ANO4: variants seen among roughly 807,000 people sequenced by gnomAD.
ANO4 encodes the protein anoctamin 4.
ANO4 carries 69 observed loss-of-function variants against 141.9 expected under a neutral mutation model. The observed-to-expected ratio is 0.49, with a 90% CI of 0.40 to 0.59. ANO4 has a LOEUF of 0.59. Ranked by LOEUF, ANO4 falls within the 20% of genes least tolerant of loss-of-function variation. The pLI is 0.00. For missense variants in ANO4, 894 were observed against 1,162.2 expected (o/e 0.77, Z 3.36); for synonymous variants, 350 against 394.3 (o/e 0.89, Z 1.33).
intron 1 of ANO4, among the ~76,000 whole-genome samples, chr12:100,857,687 T>C (rs78099232): frequency 0.04 from 6,075 of 152,200 alleles, 354 homozygotes; most frequent in African/African-American, 0.13. Context: ...AAATAAGAAG[T>C]TGAGTCCTCT....
intron 26 of ANO4, among the ~76,000 whole-genome samples, chr12:101,125,599 T>A (rs1432909743): frequency 6.6e-6 from 1 of 152,182 alleles, no homozygotes; most frequent in Admixed American, 6.5e-5. Context: ...GATGTTGGAT[T>A]GTTATCAAAG....
At chr12:100,755,172 G>A (rs918856669) in intron 3 of ANO4, among the ~76,000 whole-genome samples, 2 of 152,060 alleles carry the variant, frequency 1.3e-5, no homozygotes, top group African/African-American at 2.4e-5. Context: ...GTCTAACCTG[G>A]CCTATCTTTT....
chr12:101,095,101 A>G (rs2049927632), intron 18 of ANO4, among the ~76,000 whole-genome samples: 2 of 152,206 alleles, frequency 1.3e-5, no homozygotes, highest in Non-Finnish European at 2.9e-5. Flanking sequence ...AACTTGCTTT[A>G]ATGCATTCCA....
intron 1 of ANO4, among the ~76,000 whole-genome samples, chr12:100,835,449 T>C (rs2036861270): frequency 6.6e-6 from 1 of 152,108 alleles, no homozygotes; most frequent in South Asian, 2.1e-4. Context: ...ATCTCTGCAG[T>C]CTTCTCTCTA....
At chr12:100,866,672 G>A (rs1011379008) in intron 1 of ANO4, among the ~76,000 whole-genome samples, 1 of 152,116 alleles carries the variant, frequency 6.6e-6, no homozygotes, top group African/African-American at 2.4e-5. Flanking sequence ...CCTGATAGAA[G>A]CATTTCTACA....
chr12:101,025,216 C>T (rs142090797), intron 9 of ANO4, among the ~76,000 whole-genome samples: 10 of 152,308 alleles, frequency 6.6e-5, no homozygotes, highest in Admixed American at 2.0e-4. Flanking sequence ...ATTTTCAAGA[C>T]ACTGAATATT....
At chr12:100,945,074 A>G (rs2042670642) in intron 5 of ANO4, among the ~76,000 whole-genome samples, 1 of 152,186 alleles carries the variant, frequency 6.6e-6, no homozygotes, top group South Asian at 2.1e-4. Context: ...ACCCTTGTAT[A>G]TCTGAAACGT....
At chr12:100,746,471 A>T (rs55861107) in intron 3 of ANO4, among the ~76,000 whole-genome samples, 2 of 150,586 alleles carry the variant, frequency 1.3e-5, no homozygotes, top group African/African-American at 2.4e-5. Flanking sequence ...ATGATCTTGA[A>T]TCTAGAAGAA....
intron 21 of ANO4, among the ~76,000 whole-genome samples, chr12:101,098,238 C>T (rs890678834): frequency 1.3e-5 from 2 of 152,172 alleles, no homozygotes; most frequent in Admixed American, 6.5e-5. Context: ...TCTGACCTTT[C>T]GGGCTCCAGC....
At chr12:100,933,763 C>T (rs927761528) in intron 3 of ANO4, among the ~76,000 whole-genome samples, 1 of 152,228 alleles carries the variant, frequency 6.6e-6, no homozygotes. Flanking sequence ...TTCTCCACAT[C>T]CTCTCCAGCA....
rs532698709 is a variant in ANO4, at chr12:100,826,352, G to A, written c.-141+31325G>A. ...AAAGATTCACTAAGCTTATTCTTTT[G>A]ATGTGATATAATAGTGATTTGATGG... is the stretch of plus-strand genomic sequence containing the variant. On this transcript the variant is annotated intron_variant, in intron 1 of 27. Transcript: ENST00000392977. Among the ~76,000 whole-genome samples the A allele has an allele frequency of 3.2e-3, 480 of 152,162 alleles. 3 individuals carry two copies. Among genetic ancestry groups the A allele is most frequent in the African/African-American group, 0.01 (431 of 41,550 alleles).
chr12:101,033,168 G>A (rs1307837159), intron 9 of ANO4, among the ~76,000 whole-genome samples: 1 of 152,094 alleles, frequency 6.6e-6, no homozygotes, highest in African/African-American at 2.4e-5. Context: ...TCCTTTGTAG[G>A]GACATGAATG....
At chr12:100,811,845 G>A (rs1262877743) in intron 1 of ANO4, among the ~76,000 whole-genome samples, 2 of 152,134 alleles carry the variant, frequency 1.3e-5, no homozygotes, top group Non-Finnish European at 2.9e-5. Flanking sequence ...CCAGAGTGAT[G>A]GATAAGATAG....
chr12:100,849,777 T>C (rs903794414), intron 1 of ANO4, among the ~76,000 whole-genome samples: 1 of 152,224 alleles, frequency 6.6e-6, no homozygotes, highest in Non-Finnish European at 1.5e-5. Flanking sequence ...TCATTGAATG[T>C]GTGCTTTGTA....
intron 3 of ANO4, among the ~76,000 whole-genome samples, chr12:100,779,041 T>C (rs1489013393): frequency 1.3e-5 from 2 of 149,554 alleles, no homozygotes; most frequent in African/African-American, 4.9e-5. Context: ...TTACTACTAC[T>C]ATGACCAAAA....
upstream of ANO4, among the ~76,000 whole-genome samples, chr12:100,790,535 A>G (rs1254355458): frequency 6.6e-6 from 1 of 152,030 alleles, no homozygotes; most frequent in Non-Finnish European, 1.5e-5. Context: ...GCACACGCTA[A>G]TTTTCTAACA....
At chr12:101,017,541 AAG>A (rs2046360371) in intron 8 of ANO4, among the ~76,000 whole-genome samples, 3 of 123,498 alleles carry the variant, frequency 2.4e-5, no homozygotes, top group Admixed American at 9.9e-5. Flanking sequence ...ACCTGGAAAC[AAG>A]AGCAATCTGG....
At chr12:100,970,306 A>C (rs2043858624) in intron 5 of ANO4, among the ~76,000 whole-genome samples, 1 of 152,190 alleles carries the variant, frequency 6.6e-6, no homozygotes, top group Non-Finnish European at 1.5e-5. Context: ...TCCTAGAATA[A>C]AGTGCGCTGC....
intron 1 of ANO4, among the ~76,000 whole-genome samples, chr12:100,894,066 A>G (rs909384215): frequency 6.6e-6 from 1 of 152,136 alleles, no homozygotes; most frequent in African/African-American, 2.4e-5. Context: ...AGTCCTTAGC[A>G]TGTTGGTTTC....
Sources: allele counts gnomAD v4.1 joint callset (sites outside exome capture counted in the v4.1 genomes callset), GRCh38; gene constraint gnomAD v4.1.1; transcripts MANE v1.5; gene names NCBI Gene and HGNC (gene_info 2026-07-23, HGNC 2026-07-21).